Variants in PFKP observed in about 807,000 individuals in gnomAD.
PFKP encodes ATP-dependent 6-phosphofructokinase, platelet type.
In PFKP, 101 loss-of-function variants were observed where a neutral mutation model predicts 94.3. The ratio of observed to expected loss-of-function variants is 1.07; its 90% confidence interval spans 0.91 to 1.26. The LOEUF (loss-of-function observed/expected upper bound fraction) is 1.26. PFKP is among the 50% of genes most tolerant of loss of function. PFKP has a pLI of 0.00. For missense variants in PFKP, 1,145 were observed against 1,103.3 expected (o/e 1.04, Z -0.53); for synonymous variants, 573 against 432.6 (o/e 1.32, Z -4.03).
At chr10:3,082,802 T>C (rs1345224987) in intron 2 of PFKP, among the ~76,000 whole-genome samples, 2 of 152,234 alleles carry the variant, frequency 1.3e-5, no homozygotes, top group African/African-American at 4.8e-5. Context: ...CACTGCAACC[T>C]GCTGGGTTCA....
At chr10:3,081,007 T>G (rs1833025440) in intron 1 of PFKP, among the ~76,000 whole-genome samples, 1 of 152,216 alleles carries the variant, frequency 6.6e-6, no homozygotes, top group Non-Finnish European at 1.5e-5. Context: ...TCTTGAGAGA[T>G]GGCCACTAGT....
intron 1 of PFKP, among the ~76,000 whole-genome samples, chr10:3,076,439 A>T (rs11251697): frequency 0.027 from 4,077 of 151,592 alleles, 171 homozygotes; most frequent in African/African-American, 0.093. Flanking sequence ...ATTTGGCTAA[A>T]CTCCCTCAAC....
chr10:3,067,766 G>T, intron 1 of PFKP, 59 bp downstream of exon 1: 1 of 900,820 alleles, frequency 1.1e-6, no homozygotes, highest in Non-Finnish European at 1.6e-6. Flanking sequence ...GGGGAGAACC[G>T]GGCGAAGGCG....
At chr10:3,082,795 T>A (rs1009589731) in intron 2 of PFKP, among the ~76,000 whole-genome samples, 3 of 152,244 alleles carry the variant, frequency 2.0e-5, no homozygotes, top group African/African-American at 4.8e-5. Context: ...CTTGGCTCAC[T>A]GCAACCTGCT....
intron 1 of PFKP, among the ~76,000 whole-genome samples, chr10:3,071,527 A>T (rs192128271): frequency 6.7e-6 from 1 of 149,806 alleles, no homozygotes; most frequent in East Asian, 2.0e-4. Flanking sequence ...TTTTCACTCA[A>T]TCTGAAATAA....
chr10:3,101,566 C>G lies in PFKP; in HGVS notation c.454+12C>G. ...GCTGGCCAGGAACGGTGAGTGGACA[C>G]CTGCTCCTCTGTCCTGCGGGTTTTC... is the stretch of plus-strand genomic sequence containing the variant. On this transcript the variant is annotated intron_variant, in intron 4 of 21. Coordinates refer to ENST00000381125, the MANE Select transcript of PFKP (RefSeq NM_002627.5). 6 of 1,511,734 alleles carry G rather than the reference C, an allele frequency of 4.0e-6. No individual in the cohort carries two copies. Among genetic ancestry groups the G allele is most frequent in the Non-Finnish European group, 5.3e-6 (6 of 1,128,658 alleles). 93.6% of individuals were successfully genotyped at this position (1,511,734 alleles called of 1,614,324 possible).
intron 3 of PFKP, among the ~76,000 whole-genome samples, chr10:3,099,881 GGT>G (rs1003125666): frequency 2.0e-5 from 3 of 151,796 alleles, no homozygotes; most frequent in East Asian, 1.9e-4. Flanking sequence ...TGTGAATCTC[GGT>G]GTGTGTGTAA....
intron 1 of PFKP, among the ~76,000 whole-genome samples, chr10:3,068,151 G>A (rs986191228): frequency 3.3e-5 from 5 of 152,188 alleles, no homozygotes; most frequent in African/African-American, 1.2e-4. Flanking sequence ...CGTGGGTACA[G>A]CGCGATCACT....
intron 17 of PFKP, 38 bp from the exon 18 acceptor site, chr10:3,132,337 TAGTAG>T (rs762482663): frequency 7.1e-7 from 1 of 1,402,914 alleles, no homozygotes; most frequent in Admixed American, 1.7e-5. Context: ...AGTAGGTACT[TAGTAG>T]AAGTTTATTG....
chr10:3,084,352 C>T (rs1289111823), intron 2 of PFKP, among the ~76,000 whole-genome samples: 1 of 152,150 alleles, frequency 6.6e-6, no homozygotes, highest in Non-Finnish European at 1.5e-5. Flanking sequence ...AGCCATGTTT[C>T]CCTTTGGTGA....
chr10:3,110,365 ATTTTTT>A lies in PFKP; in HGVS notation c.1089+904_1089+909del, dbSNP rs57980780. Among the ~76,000 whole-genome samples the A allele has an allele frequency of 8.3e-3, 773 of 92,582 alleles. 10 individuals carry two copies. The highest frequency in any genetic ancestry group is 0.029 in the African/African-American group (709 of 24,318). 60.7% of individuals were successfully genotyped at this position (92,582 alleles called of 152,430 possible). A position where few individuals can be genotyped will look rare whatever the true frequency, so the allele number is the denominator to read the frequency against. On this transcript the variant is annotated intron_variant, in intron 10 of 21. Transcript: ENST00000381125. ...AGGTGCCCACCACCACGCCTGGCTAATTTTTTTTTTTTTTTTTTTTTTTTGTATTTT... is the reference window on the plus strand; with the variant it reads ...AGGTGCCCACCACCACGCCTGGCTAATTTTTTTTTTTTTTTTTTGTATTTT...
intron 1 of PFKP, among the ~76,000 whole-genome samples, chr10:3,074,565 C>T (rs1042060135): frequency 2.6e-5 from 4 of 152,102 alleles, no homozygotes; most frequent in African/African-American, 7.2e-5. Flanking sequence ...GGGTGGGGCA[C>T]GTGGCAGGGC....
At position 3,105,155 on chromosome 10, in the gene PFKP, T is replaced by TGTGGGTACGTACCTGCG. The variant is rs1835409646; in HGVS notation, c.665+3_665+19dup. On this transcript the variant is annotated frameshift_variant, in exon 6 of 22. Transcript: ENST00000381125. LOFTEE classifies it high-confidence loss of function. ...CGTTCTGGAGGTGATGGGACGACAC[T>TGTGGGTACGTACCTGCG]GTGGGTACGTACCTGCGGTGGGTCC... is the stretch of plus-strand genomic sequence containing the variant. The TGTGGGTACGTACCTGCG allele has an allele frequency of 2.5e-5, 41 of 1,613,766 alleles. No individual in the cohort carries two copies. The highest frequency in any genetic ancestry group is 3.4e-5 in the Non-Finnish European group (40 of 1,179,764).
At chr10:3,093,503 T>C (rs1290061560) in intron 2 of PFKP, among the ~76,000 whole-genome samples, 1 of 152,174 alleles carries the variant, frequency 6.6e-6, no homozygotes, top group Non-Finnish European at 1.5e-5. Flanking sequence ...GCGTGCGTGC[T>C]CACCGAGCTG....
At chr10:3,118,336 C>T (rs1004038218) in intron 14 of PFKP, among the ~76,000 whole-genome samples, 53 of 152,076 alleles carry the variant, frequency 3.5e-4, no homozygotes, top group African/African-American at 1.2e-3. Context: ...GGCGTGGTGG[C>T]GGGCGCCTGT....
intron 18 of PFKP, among the ~76,000 whole-genome samples, chr10:3,132,938 C>A (rs576500836): frequency 6.6e-6 from 1 of 152,210 alleles, no homozygotes; most frequent in Non-Finnish European, 1.5e-5. Flanking sequence ...GATTTCATCA[C>A]GCTACTCAGA....
At chr10:3,108,044 G>T (rs1435893111) in intron 8 of PFKP, 1 of 1,280,164 alleles carries the variant, frequency 7.8e-7, no homozygotes, top group African/African-American at 1.5e-5. Context: ...TATGAAAACA[G>T]TGATGGACAC....
At chr10:3,098,498 G>A (rs1404903122) in intron 2 of PFKP, among the ~76,000 whole-genome samples, 2 of 151,724 alleles carry the variant, frequency 1.3e-5, no homozygotes, top group Non-Finnish European at 2.9e-5. Context: ...ACAAGGTGAA[G>A]CCCCGTCTCT....
Position 3,136,685 on chromosome 10 carries a change from T to G in PFKP, c.*106T>G, listed in dbSNP as rs2131768111. On this transcript the variant is annotated 3_prime_UTR_variant, in exon 22 of 22. Coordinates refer to ENST00000381125, the MANE Select transcript of PFKP (RefSeq NM_002627.5). ...TGCACGTATTATTGACATTAATACC[T>G]AATCGGCGAGTGCCCATCTGCCCCA... The G allele has an allele frequency of 7.8e-7, 1 of 1,277,322 alleles. No individual in the cohort carries two copies. Among genetic ancestry groups the G allele is most frequent in the African/African-American group, 1.5e-5 (1 of 68,342 alleles). The allele number at this position is 1,277,322 out of a possible 1,614,324, so 79.1% of individuals were successfully genotyped here. A position where few individuals can be genotyped will look rare whatever the true frequency, so the allele number is the denominator to read the frequency against.
Sources: allele counts gnomAD v4.1 joint callset (sites outside exome capture counted in the v4.1 genomes callset), GRCh38; gene constraint gnomAD v4.1.1; transcripts MANE v1.5; gene names NCBI Gene and HGNC (gene_info 2026-07-23, HGNC 2026-07-21).